Variants in NIN observed in about 807,000 individuals in gnomAD.
NIN encodes the protein ninein, also known as glycogen synthase kinase 3 beta-interacting protein.
Under a neutral mutation model 257.6 loss-of-function variants are expected in NIN, and 137 were observed. The observed-to-expected ratio is 0.53, with a 90% CI of 0.46 to 0.61. The LOEUF is 0.61. Among genes scored for constraint, NIN ranks in the 20% least tolerant of loss-of-function variants. The pLI is 0.00. For synonymous variants in NIN, 918 were observed against 919.8 expected, an observed-to-expected ratio of 1.00 and a Z score of 0.04; for missense variants, 2,439 against 2,501.2, an observed-to-expected ratio of 0.98 and a Z score of 0.53.
intron 2 of NIN, among the ~76,000 whole-genome samples, chr14:50,824,260 C>A (rs1180296532): frequency 6.6e-6 from 1 of 152,214 alleles, no homozygotes; most frequent in Non-Finnish European, 1.5e-5. Flanking sequence ...CTGAGAAGCC[C>A]TGATCTTATC....
chr14:50,777,105 AT>A lies in NIN; in HGVS notation c.509del (p.Asn170MetfsTer14). 3 of 1,613,124 alleles carry A rather than the reference AT, an allele frequency of 1.9e-6. No homozygotes were observed. Among genetic ancestry groups the A allele is most frequent in the Non-Finnish European group, 2.5e-6 (3 of 1,179,564 alleles). ...GAGGGGAAGATCCACTCTGTGAAGC[AT>A]TCAAGTCATCTGGGTTCCAAAACCT... is the stretch of plus-strand genomic sequence containing the variant. ...QLRFWNPDDLNASQSGSSPPQ... is the reference protein window; with the variant it reads ...QLRFWNPDDLXASQSGSSPPQ... On this transcript the variant is annotated frameshift_variant, in exon 7 of 31. Coordinates refer to ENST00000530997, the MANE Select transcript of NIN (RefSeq NM_020921.4). LOFTEE classifies it high-confidence loss of function.
chr14:50,765,063 TAAAAAAA>T (rs781699626), intron 14 of NIN, among the ~76,000 whole-genome samples: 124 of 82,084 alleles, frequency 1.5e-3, no homozygotes, highest in East Asian at 3.0e-3. Flanking sequence ...TGTCTCTACT[TAAAAAAA>T]AAAAAAAAAA....
intron 4 of NIN, among the ~76,000 whole-genome samples, chr14:50,801,203 G>C (rs2142123871): frequency 6.7e-6 from 1 of 148,792 alleles, no homozygotes; most frequent in South Asian, 2.1e-4. Flanking sequence ...CGATTCTCCT[G>C]CCTCAGCCTC....
At chr14:50,729,832 C>G (rs1189027012) in intron 28 of NIN, 109 bp from the exon 29 acceptor site, 1 of 788,596 alleles carries the variant, frequency 1.3e-6, no homozygotes, top group Non-Finnish European at 1.9e-6. Flanking sequence ...TTAATAACCC[C>G]AGACCCACTG....
intron 22 of NIN, among the ~76,000 whole-genome samples, chr14:50,744,829 G>A (rs1347114666): frequency 6.6e-6 from 1 of 152,242 alleles, no homozygotes; most frequent in East Asian, 1.9e-4. Context: ...GGCTACTCAG[G>A]AGGCTGAGGC....
chr14:50,735,750 A>G, intron 27 of NIN, 133 bp from the exon 28 acceptor site: 1 of 1,144,618 alleles, frequency 8.7e-7, no homozygotes, highest in Middle Eastern at 3.0e-4. Flanking sequence ...TCAGTGACAA[A>G]CAAATAATAC....
At chr14:50,765,850 T>TTTC (rs1243669160) in intron 14 of NIN, among the ~76,000 whole-genome samples, 1 of 151,658 alleles carries the variant, frequency 6.6e-6, no homozygotes, top group East Asian at 1.9e-4. Flanking sequence ...TATGTTTTTT[T>TTTC]TTTTTAATTT....
chr14:50,729,991 C>G (rs906816176), intron 28 of NIN, among the ~76,000 whole-genome samples: 6 of 152,166 alleles, frequency 3.9e-5, no homozygotes, highest in Non-Finnish European at 7.4e-5. Flanking sequence ...ATATTAAGGG[C>G]ACGATGTACA....
intron 4 of NIN, among the ~76,000 whole-genome samples, chr14:50,800,257 ACTGT>A (rs772663394): frequency 3.5e-4 from 54 of 152,224 alleles, no homozygotes; most frequent in Non-Finnish European, 5.9e-4. Context: ...CTATGAATAC[ACTGT>A]CTAATTTCTT....
At position 50,721,478 on chromosome 14, in the gene NIN, T is replaced by C. The variant is rs1243705618; in HGVS notation, c.*1985A>G. 1 of 217,318 alleles carries C rather than the reference T, an allele frequency of 4.6e-6. No homozygotes were observed. Among genetic ancestry groups the C allele is most frequent in the East Asian group, 6.8e-5 (1 of 14,752 alleles). 13.5% of individuals were successfully genotyped at this position (217,318 alleles called of 1,614,324 possible). ...TCCAACAGCAATAACTTTGAGTAAC[T>C]TGACACATATCACATAAATACACTA... On this transcript the variant is annotated 3_prime_UTR_variant, in exon 31 of 31. Coordinates refer to ENST00000530997, the MANE Select transcript of NIN (RefSeq NM_020921.4).
At chr14:50,724,782 C>G (rs1395719697) in intron 30 of NIN, among the ~76,000 whole-genome samples, 1 of 151,318 alleles carries the variant, frequency 6.6e-6, no homozygotes, top group Admixed American at 6.6e-5. Flanking sequence ...CCTAGGATAC[C>G]CTTCCCCACA....
In NIN at chr14:50,772,930, A is replaced by C; in HGVS notation, c.813+19T>G. ...TCTAACTTTTATTCACAAAGAAAGC[A>C]CTTCTGCTTATTTTTTACCTGCATG... On this transcript the variant is annotated intron_variant, in intron 8 of 30. Coordinates refer to ENST00000530997, the MANE Select transcript of NIN (RefSeq NM_020921.4). The C allele has an allele frequency of 6.3e-7, 1 of 1,597,996 alleles. No homozygotes were observed. The highest frequency in any genetic ancestry group is 1.1e-5 in the South Asian group (1 of 87,838).
At chr14:50,797,677 T>C (rs1878667327) in intron 4 of NIN, among the ~76,000 whole-genome samples, 1 of 152,012 alleles carries the variant, frequency 6.6e-6, no homozygotes, top group African/African-American at 2.4e-5. Context: ...CCACGCCTGA[T>C]TCTAAATAAG....
intron 18 of NIN, among the ~76,000 whole-genome samples, chr14:50,755,970 T>C (rs1224110673): frequency 6.6e-6 from 1 of 152,162 alleles, no homozygotes; most frequent in African/African-American, 2.4e-5. Context: ...TGCCTGACCA[T>C]TTGCACTGTT....
chr14:50,827,633 T>C (rs1397953948), intron 2 of NIN, among the ~76,000 whole-genome samples: 1 of 149,832 alleles, frequency 6.7e-6, no homozygotes, highest in Admixed American at 6.6e-5. Flanking sequence ...GGCGCACACC[T>C]GTAATCCCAG....
Position 50,831,152 on chromosome 14 carries a change from GA to G in NIN, c.-223del, listed in dbSNP as rs1209395527. On this transcript the variant is annotated 5_prime_UTR_variant, in exon 1 of 31. Transcript: ENST00000530997. ...GCCACCCGGAGCTCTGGACGCCGGG[GA>G]GGAAGGGCCGGGCCCGCGCGGGGAG... 2 of 150,484 alleles carry G rather than the reference GA, an allele frequency of 1.3e-5. No individual in the cohort carries two copies. The highest frequency in any genetic ancestry group is 4.8e-5 in the African/African-American group (2 of 41,254). The allele number at this position is 150,484 out of a possible 1,614,324, so 9.3% of individuals were successfully genotyped here.
At chr14:50,795,850 G>A (rs1254063139) in intron 4 of NIN, among the ~76,000 whole-genome samples, 6 of 152,124 alleles carry the variant, frequency 3.9e-5, no homozygotes, top group Non-Finnish European at 8.8e-5. Flanking sequence ...GTGGCGGCTC[G>A]TGACTGTAGT....
In NIN at chr14:50,753,826, G is replaced by A. The variant is rs559430640; in HGVS notation, c.4734+737C>T. ...TAATTCAATAGGTTAAAAAAAAGAC[G>A]CTTATTGAATTTGCACTTCTCTAAT... On this transcript the variant is annotated intron_variant, in intron 20 of 30. Coordinates refer to ENST00000530997, the MANE Select transcript of NIN (RefSeq NM_020921.4). Among the ~76,000 whole-genome samples the A allele has an allele frequency of 2.7e-5, 4 of 150,702 alleles. No individual in the cohort carries two copies. In the East Asian group the frequency reaches 7.8e-4, roughly 29 times the overall value.
intron 3 of NIN, among the ~76,000 whole-genome samples, chr14:50,808,345 T>C (rs766922328): frequency 2.6e-5 from 4 of 152,190 alleles, no homozygotes; most frequent in African/African-American, 9.7e-5. Context: ...ACAAACATCA[T>C]GCACTCAAGA....
Sources: gnomAD v4.1 joint callset for allele counts (sites outside exome capture counted in the v4.1 genomes callset) on GRCh38, gnomAD v4.1.1 for gene constraint, MANE v1.5 for transcripts, NCBI Gene and HGNC (gene_info 2026-07-23, HGNC 2026-07-21) for gene names.